Variants in FFAR3 observed in about 807,000 individuals in gnomAD.
The protein encoded by FFAR3 is G-protein coupled receptor 41.
For missense variants in FFAR3, 136 were observed against 446.5 expected (o/e 0.30, Z 6.27); for synonymous variants, 68 against 201.1 (o/e 0.34, Z 5.60).
upstream of FFAR3, chr19:35,358,427 T>G (rs1029904891): frequency 4.6e-6 from 5 of 1,090,678 alleles, no homozygotes; most frequent in Non-Finnish European, 5.6e-6. Context: ...TGAGACTGCA[T>G]GAGGAGGGAG....
At chr19:35,358,430 G>C, upstream of FFAR3, 2 of 1,098,026 alleles carry the variant, frequency 1.8e-6, no homozygotes, top group Non-Finnish European at 2.2e-6. Flanking sequence ...GACTGCATGA[G>C]GAGGGAGGCA....
In FFAR3 at chr19:35,359,028, C is replaced by T. The variant is rs375665593; in HGVS notation, c.138C>T (p.Arg46=). ...LVVFVGKLQR[R]PVAVDVLLLN... is the part of the protein sequence containing the mutation. ...TCTTCGTGGGCAAGCTGCAGCGCCG[C>T]CCGGTGGCCGTGGACGTGCTCCTGC... Residue 46 remains arginine, a synonymous_variant, in exon 2 of 2, where the codon CGC becomes CGT. Transcript: ENST00000327809. 8.3e-5 allele frequency: 133 copies of T among 1,611,600 alleles called. No homozygotes were observed. Among genetic ancestry groups the T allele is most frequent in the African/African-American group, 1.1e-4 (8 of 74,742 alleles).
At position 35,359,664 on chromosome 19, in the gene FFAR3, G is replaced by T. The variant is rs771186481; in HGVS notation, c.774G>T (p.Arg258Ser). Reference protein sequence around the residue: ...GYICGESPAWRIYVTLLSTLN... With the variant: ...GYICGESPAWSIYVTLLSTLN... ...TCTGCGGTGAAAGCCCGGCGTGGAG[G>T]ATCTACGTGACGCTTCTCAGCACCC... The change falls in exon 2 of 2, where the codon AGG becomes AGT. Residue 258 changes from arginine (R) to serine (S), a missense_variant. Coordinates refer to ENST00000327809, the MANE Select transcript of FFAR3 (RefSeq NM_005304.5). The T allele has an allele frequency of 6.2e-7, 1 of 1,614,068 alleles. No individual in the cohort carries two copies. Among genetic ancestry groups the T allele is most frequent in the Non-Finnish European group, 8.5e-7 (1 of 1,179,884 alleles).
In FFAR3 at chr19:35,358,948, G is replaced by A. The variant is rs2066976868; in HGVS notation, c.58G>A (p.Val20Met). The A allele has an allele frequency of 1.9e-6, 3 of 1,605,406 alleles. No homozygotes were observed. The highest frequency in any genetic ancestry group is 2.6e-6 in the Non-Finnish European group (3 of 1,173,490). ...CGGCAATCACTGGTTCGTCTTCTCG[G>A]TGTACCTTCTCACTTTCCTGGTGGG... ...FSGNHWFVFS[V>M]YLLTFLVGLP... Residue 20 changes from valine to methionine, a missense_variant, in exon 2 of 2, where the codon GTG (valine) becomes ATG (methionine). Transcript: ENST00000327809.
At position 35,359,035 on chromosome 19, in the gene FFAR3, G is replaced by A. The variant is rs139872810; in HGVS notation, c.145G>A (p.Ala49Thr). Residue 49 changes from alanine (A) to threonine (T), a missense_variant, in exon 2 of 2, where the codon GCC becomes ACC. Coordinates refer to ENST00000327809, the MANE Select transcript of FFAR3 (RefSeq NM_005304.5). Reference sequence around the variant, plus strand: ...GGGCAAGCTGCAGCGCCGCCCGGTGGCCGTGGACGTGCTCCTGCTCAACCT... The same window carrying A: ...GGGCAAGCTGCAGCGCCGCCCGGTGACCGTGGACGTGCTCCTGCTCAACCT... ...FVGKLQRRPV[A>T]VDVLLLNLTA... is the part of the protein sequence containing the mutation. 4.4e-5 allele frequency: 71 copies of A among 1,611,730 alleles called. No individual in the cohort carries two copies. In the African/African-American group the frequency reaches 8.0e-4, roughly 18 times the overall value.
rs2066974167 is a variant in FFAR3, at chr19:35,358,483, C to T, written c.-178C>T. 1.0e-5 allele frequency: 12 copies of T among 1,162,898 alleles called. No individual in the cohort carries two copies. Among genetic ancestry groups the T allele is most frequent in the Non-Finnish European group, 1.3e-5 (12 of 936,202 alleles). The allele number at this position is 1,162,898 out of a possible 1,614,324, so 72.0% of individuals were successfully genotyped here. ...TTCCCCTTTTAGCATGCTGACCAGC[C>T]CTGGCAACGGAGCTCAAGGCATCTA... On this transcript the variant is annotated 5_prime_UTR_variant, in exon 1 of 2. Coordinates refer to ENST00000327809, the MANE Select transcript of FFAR3 (RefSeq NM_005304.5).
chr19:35,359,524 G>A lies in FFAR3; in HGVS notation c.634G>A (p.Gly212Ser), dbSNP rs147991142. 120 of 1,613,878 alleles carry A rather than the reference G, an allele frequency of 7.4e-5. 2 individuals are homozygous for A. The South Asian group carries it at 8.9e-4, about 12-fold the overall frequency. Residue 212 changes from glycine to serine, a missense_variant, in exon 2 of 2, where the codon GGC (glycine) becomes AGC (serine). Coordinates refer to ENST00000327809, the MANE Select transcript of FFAR3 (RefSeq NM_005304.5). The stretch of plus-strand genomic sequence containing the variant: ...CTACAGCCGCCTGGTGTGGATCCTC[G>A]GCAGAGGGGGCAGCCACCGCCGGCA... ...YCYSRLVWIL[G>S]RGGSHRRQRR...
In FFAR3 at chr19:35,359,709, C is replaced by A. The variant is rs758188146; in HGVS notation, c.819C>A (p.Pro273=). The part of the protein sequence containing the change: ...LLSTLNSCVD[P]FVYYFSSSGF... ...GCACCCTGAACTCCTGTGTCGACCC[C>A]TTTGTCTACTACTTCTCCTCCTCCG... Residue 273 remains proline (P), a synonymous_variant, in exon 2 of 2, where the codon CCC becomes CCA. Transcript: ENST00000327809. 6.2e-7 allele frequency: 1 copy of A among 1,613,882 alleles called. No homozygotes were observed. Among genetic ancestry groups the A allele is most frequent in the African/African-American group, 1.3e-5 (1 of 74,950 alleles).
At chr19:35,358,312 C>G, upstream of FFAR3, 1 of 259,676 alleles carries the variant, frequency 3.9e-6, no homozygotes, top group Non-Finnish European at 6.4e-6. Context: ...ACTTCCTGCC[C>G]TTACAAGGCA....
At position 35,360,181 on chromosome 19, in the gene FFAR3, G is replaced by T. The variant is rs1599706412; in HGVS notation, c.*250G>T. On this transcript the variant is annotated 3_prime_UTR_variant, in exon 2 of 2. Transcript: ENST00000327809. Reference sequence around the variant, plus strand: ...AGAGGCTGCTCTGGAGAACAATGAGGTCCTCATAGCAGCAGGCAGCTCCTG... The same window carrying T: ...AGAGGCTGCTCTGGAGAACAATGAGTTCCTCATAGCAGCAGGCAGCTCCTG... 1 of 539,054 alleles carries T rather than the reference G, an allele frequency of 1.9e-6. No homozygotes were observed. The highest frequency in any genetic ancestry group is 3.3e-5 in the East Asian group (1 of 30,026). 33.4% of individuals were successfully genotyped at this position (539,054 alleles called of 1,614,324 possible).
At position 35,359,514 on chromosome 19, in the gene FFAR3, G is replaced by A. The variant is rs146211359; in HGVS notation, c.624G>A (p.Val208=). The change falls in exon 2 of 2, where the codon GTG becomes GTA. Residue 208 remains valine (V), a synonymous_variant. Transcript: ENST00000327809. ...IITSYCYSRL[V]WILGRGGSHR... is the part of the protein sequence containing the mutation. ...CCAGCTACTGCTACAGCCGCCTGGTGTGGATCCTCGGCAGAGGGGGCAGCC... is the reference window on the plus strand; with the variant it reads ...CCAGCTACTGCTACAGCCGCCTGGTATGGATCCTCGGCAGAGGGGGCAGCC... The A allele has an allele frequency of 0.027, 43,662 of 1,609,808 alleles. 82 individuals carry two copies. Among genetic ancestry groups the A allele is most frequent in the Middle Eastern group, 0.069 (415 of 6,024 alleles).
At position 35,359,103 on chromosome 19, in the gene FFAR3, C is replaced by T. The variant is rs780075425; in HGVS notation, c.213C>T (p.Arg71=). The part of the protein sequence containing the change: ...DLLLLLFLPF[R]MVEAANGMHW... ...TCCTGCTGCTGTTCCTGCCTTTCCGCATGGTGGAGGCAGCCAATGGCATGC... is the reference window on the plus strand; with the variant it reads ...TCCTGCTGCTGTTCCTGCCTTTCCGTATGGTGGAGGCAGCCAATGGCATGC... The change falls in exon 2 of 2, where the codon CGC becomes CGT. Residue 71 remains arginine, a synonymous_variant. Coordinates refer to ENST00000327809, the MANE Select transcript of FFAR3 (RefSeq NM_005304.5). 38 of 1,608,830 alleles carry T rather than the reference C, an allele frequency of 2.4e-5. No individual in the cohort carries two copies. In the South Asian group the frequency reaches 4.1e-4, roughly 17 times the overall value.
rs381099 is a variant in FFAR3, at chr19:35,358,508, A to G, written c.-153A>G. The G allele has an allele frequency of 5.0e-6, 6 of 1,200,584 alleles. No homozygotes were observed. The highest frequency in any genetic ancestry group is 5.2e-6 in the Non-Finnish European group (5 of 957,942). The allele number at this position is 1,200,584 out of a possible 1,614,324, so 74.4% of individuals were successfully genotyped here. ...CCTGGCAACGGAGCTCAAGGCATCT[A>G]TGTGCCACTGCTCAACAGTGAGTGA... On this transcript the variant is annotated 5_prime_UTR_variant, in exon 1 of 2. It removes an upstream start codon present in the reference 5' UTR. Transcript: ENST00000327809.
chr19:35,360,314 C>A lies in FFAR3; in HGVS notation c.*383C>A. On this transcript the variant is annotated 3_prime_UTR_variant, in exon 2 of 2. Coordinates refer to ENST00000327809, the MANE Select transcript of FFAR3 (RefSeq NM_005304.5). ...GGGGAGAACCCCATCCTCAGAGCTG[C>A]TCCCAGCCAGCGAGTCAGGAGCGGG... The A allele has an allele frequency of 3.0e-6, 1 of 331,208 alleles. No individual in the cohort carries two copies. The highest frequency in any genetic ancestry group is 6.0e-6 in the Non-Finnish European group (1 of 165,748). The allele number at this position is 331,208 out of a possible 1,614,324, so 20.5% of individuals were successfully genotyped here. A position where few individuals can be genotyped will look rare whatever the true frequency, so the allele number is the denominator to read the frequency against.
Position 35,359,730 on chromosome 19 carries a change from C to T in FFAR3, c.840C>T (p.Ser280=). The T allele has an allele frequency of 2.5e-6, 4 of 1,613,904 alleles. No homozygotes were observed. ...ACCCCTTTGTCTACTACTTCTCCTC[C>T]TCCGGGTTCCAAGCCGACTTTCATG... ...CVDPFVYYFS[S]SGFQADFHEL... The change falls in exon 2 of 2, where the codon TCC becomes TCT. Residue 280 remains serine, a synonymous_variant. Transcript: ENST00000327809.
upstream of FFAR3, chr19:35,358,424 G>A (rs1223656764): frequency 4.6e-6 from 5 of 1,093,904 alleles, no homozygotes; most frequent in East Asian, 7.4e-5. Flanking sequence ...AGCTGAGACT[G>A]CATGAGGAGG....
In FFAR3 at chr19:35,359,735, G is replaced by C. The variant is rs1428238314; in HGVS notation, c.845G>C (p.Gly282Ala). The C allele has an allele frequency of 1.2e-6, 2 of 1,613,688 alleles. No individual in the cohort carries two copies. Among genetic ancestry groups the C allele is most frequent in the African/African-American group, 2.7e-5 (2 of 74,906 alleles). ...TTTGTCTACTACTTCTCCTCCTCCGGGTTCCAAGCCGACTTTCATGAGCTG... is the reference window on the plus strand; with the variant it reads ...TTTGTCTACTACTTCTCCTCCTCCGCGTTCCAAGCCGACTTTCATGAGCTG... ...DPFVYYFSSSGFQADFHELLR... is the reference protein window; with the variant it reads ...DPFVYYFSSSAFQADFHELLR... Residue 282 changes from glycine to alanine, a missense_variant, in exon 2 of 2, where the codon GGG (glycine) becomes GCG (alanine). Transcript: ENST00000327809.
At position 35,358,970 on chromosome 19, in the gene FFAR3, T is replaced by C. The variant is rs1453390266; in HGVS notation, c.80T>C (p.Val27Ala). ...TCGGTGTACCTTCTCACTTTCCTGG[T>C]GGGGCTCCCCCTCAACCTGCTGGCC... ...VFSVYLLTFL[V>A]GLPLNLLALV... Residue 27 changes from valine (V) to alanine (A), a missense_variant, in exon 2 of 2, where the codon GTG becomes GCG. Physicochemically the swap from Val to Ala is moderately conservative, Grantham distance 64 (BLOSUM62 0). Coordinates refer to ENST00000327809, the MANE Select transcript of FFAR3 (RefSeq NM_005304.5). 6.2e-7 allele frequency: 1 copy of C among 1,610,888 alleles called. No individual in the cohort carries two copies. Among genetic ancestry groups the C allele is most frequent in the Non-Finnish European group, 8.5e-7 (1 of 1,177,976 alleles).
intron 1 of FFAR3, 80 bp from the exon 2 acceptor site, chr19:35,358,800 G>A (rs1235237859): frequency 5.7e-6 from 7 of 1,233,578 alleles, no homozygotes; most frequent in East Asian, 2.5e-5. Context: ...TAGTGACCTC[G>A]TGCCCTTTTA....
Sources: gnomAD v4.1 joint callset for allele counts on GRCh38, gnomAD v4.1.1 for gene constraint, MANE v1.5 for transcripts, NCBI Gene and HGNC (gene_info 2026-07-23, HGNC 2026-07-21) for gene names.